The following PLXNA4 variants were observed in gnomAD, a reference collection of about 807,000 sequenced individuals.
The protein encoded by PLXNA4 is plexin A4.
A neutral mutation model predicts 191.8 loss-of-function variants in PLXNA4; 44 were observed. That is an observed-to-expected ratio of 0.23 (90% CI 0.18 to 0.29). The LOEUF is 0.29. Among genes scored for constraint, PLXNA4 ranks in the 10% least tolerant of loss-of-function variants. PLXNA4 has a pLI of 1.00. For synonymous variants in PLXNA4, 1,082 were observed against 1,009.5 expected (o/e 1.07, Z -1.36); for missense variants, 1,800 against 2,488.8 (o/e 0.72, Z 5.89).
chr7:132,201,965 G>A lies in PLXNA4; in HGVS notation c.2586+681C>T, dbSNP rs1412939955. ...CTTCCAGCTCCCATGTGAGAGGGAC[G>A]CTCAGGCCCACCGCACATGTGAGGA... On this transcript the variant is annotated intron_variant, in intron 12 of 31. Transcript: ENST00000321063. Among the ~76,000 whole-genome samples the A allele has an allele frequency of 1.8e-4, 28 of 152,120 alleles. 1 individual carries two copies. The highest frequency in any genetic ancestry group is 6.6e-5 in the Admixed American group (1 of 15,266).
chr7:132,525,065 C>G (rs1032867315), intron 1 of PLXNA4, among the ~76,000 whole-genome samples: 2 of 152,140 alleles, frequency 1.3e-5, no homozygotes, highest in African/African-American at 4.8e-5. Context: ...CAAATACCAA[C>G]TCTCCATCCC....
chr7:132,174,942 G>A (rs369473576), intron 20 of PLXNA4, 22 bp from the exon 21 acceptor site: 2 of 1,612,964 alleles, frequency 1.2e-6, no homozygotes, highest in Non-Finnish European at 1.7e-6. Flanking sequence ...AGAAGCCTGT[G>A]AGATGGCTGG....
chr7:132,179,885 C>A lies in PLXNA4; in HGVS notation c.3676G>T (p.Val1226Leu). 1.2e-6 allele frequency: 2 copies of A among 1,612,680 alleles called. No homozygotes were observed. The highest frequency in any genetic ancestry group is 1.7e-6 in the Non-Finnish European group (2 of 1,179,804). The change falls in exon 20 of 32, where the codon GTG becomes TTG. Residue 1226 changes from valine (V) to leucine (L), a missense_variant. This residue lies in a region of PLXNA4 where 1,397 missense variants were observed against 1,880.4 expected (regional missense o/e 0.74). Coordinates refer to ENST00000321063, the MANE Select transcript of PLXNA4 (RefSeq NM_020911.2). Reference sequence around the variant, plus strand: ...AGCGGGCTGTCCGGGGCAATGTACACCATCCCCGGGGAGTACTCCATGCCA... The same window carrying A: ...AGCGGGCTGTCCGGGGCAATGTACAACATCCCCGGGGAGTACTCCATGCCA... ...VGGMEYSPGM[V>L]YIAPDSPLSL...
chr7:132,626,142 C>T (rs1803367592), intron 2 of PLXNA4, among the ~76,000 whole-genome samples: 1 of 152,186 alleles, frequency 6.6e-6, no homozygotes, highest in Non-Finnish European at 1.5e-5. Context: ...CTCACCACCA[C>T]CAATCAAGTA....
chr7:132,255,413 T>C (rs1799398601), intron 4 of PLXNA4, among the ~76,000 whole-genome samples: 1 of 152,148 alleles, frequency 6.6e-6, no homozygotes, highest in Non-Finnish European at 1.5e-5. Flanking sequence ...CATCCAAACC[T>C]AACACCCAGC....
At chr7:132,334,763 G>A (rs755099051) in intron 3 of PLXNA4, among the ~76,000 whole-genome samples, 2 of 152,146 alleles carry the variant, frequency 1.3e-5, no homozygotes, top group Non-Finnish European at 2.9e-5. Context: ...GACATGAAAC[G>A]CTCTTCCTTA....
chr7:132,516,980 G>A (rs1798966581), intron 1 of PLXNA4, among the ~76,000 whole-genome samples: 1 of 152,096 alleles, frequency 6.6e-6, no homozygotes, highest in Non-Finnish European at 1.5e-5. Flanking sequence ...AACAAAACCA[G>A]TGTCCCTGCT....
chr7:132,214,158 TC>T (rs1007737534), intron 9 of PLXNA4, among the ~76,000 whole-genome samples: 5 of 151,830 alleles, frequency 3.3e-5, no homozygotes, highest in African/African-American at 9.7e-5. Context: ...TCAGCAGGGG[TC>T]CCCCTGAAGT....
intron 1 of PLXNA4, among the ~76,000 whole-genome samples, chr7:132,558,863 G>T (rs1336137488): frequency 6.6e-6 from 1 of 152,184 alleles, no homozygotes; most frequent in African/African-American, 2.4e-5. Context: ...TAAGAAGGTG[G>T]TACAAGAAAA....
Position 132,163,737 on chromosome 7 carries a change from CTATGAGTAACTCTTT to C in PLXNA4, c.4500+390_4500+404del, listed in dbSNP as rs561927461. On this transcript the variant is annotated intron_variant, in intron 24 of 31. Coordinates refer to ENST00000321063, the MANE Select transcript of PLXNA4 (RefSeq NM_020911.2). Reference sequence around the variant, plus strand: ...GCAGAAGGCAGTGGGGGCTTCAGAGCTATGAGTAACTCTTTCTAGCTTCCTTTCCTCTCTGTCCCC... The same window carrying C: ...GCAGAAGGCAGTGGGGGCTTCAGAGCCTAGCTTCCTTTCCTCTCTGTCCCC... 1.4e-3 allele frequency among the ~76,000 whole-genome samples: 219 copies of C among 152,326 alleles called. 2 individuals are homozygous for C. The highest frequency in any genetic ancestry group is 7.3e-4 in the Non-Finnish European group (50 of 68,038).
chr7:132,419,698 A>G (rs1049563627), intron 3 of PLXNA4, among the ~76,000 whole-genome samples: 8 of 152,192 alleles, frequency 5.3e-5, no homozygotes, highest in Non-Finnish European at 8.8e-5. Context: ...GACTAGACCA[A>G]GGGTCAGCAA....
intron 2 of PLXNA4, among the ~76,000 whole-genome samples, chr7:132,629,159 G>T (rs1414795938): frequency 6.6e-6 from 1 of 152,156 alleles, no homozygotes; most frequent in African/African-American, 2.4e-5. Context: ...GGAATACTTA[G>T]AACTCCTGCC....
intron 9 of PLXNA4, among the ~76,000 whole-genome samples, chr7:132,211,827 A>G (rs1172560780): frequency 6.6e-6 from 1 of 152,194 alleles, no homozygotes; most frequent in Non-Finnish European, 1.5e-5. Flanking sequence ...CTGGAGCCAC[A>G]GGAGCCCAGA....
rs146940295 is a variant in PLXNA4, at chr7:132,620,184, A to G, written c.-87+25744T>C. 5.6e-3 allele frequency among the ~76,000 whole-genome samples: 837 copies of G among 150,020 alleles called. 7 individuals are homozygous for G. The highest frequency in any genetic ancestry group is 0.028 in the Middle Eastern group (8 of 290). ...TGATCACCTACCAGTCTTGAAAGAC[A>G]TAATGACACATTCAGTATGCACGTT... On this transcript the variant is annotated intron_variant, in intron 2 of 4. Coordinates refer to the PLXNA4 transcript ENST00000378539.
chr7:132,245,271 A>C (rs1464289398), intron 4 of PLXNA4, among the ~76,000 whole-genome samples: 1 of 152,206 alleles, frequency 6.6e-6, no homozygotes, highest in African/African-American at 2.4e-5. Context: ...CCATAATGAT[A>C]GATTGTCTCA....
Position 132,194,295 on chromosome 7 carries a change from T to C in PLXNA4, c.2739-116A>G, listed in dbSNP as rs908275683. 3.5e-6 allele frequency: 5 copies of C among 1,445,374 alleles called. No homozygotes were observed. The Admixed American group carries it at 1.1e-4, about 32-fold the overall frequency. 89.5% of individuals were successfully genotyped at this position (1,445,374 alleles called of 1,614,324 possible). On this transcript the variant is annotated intron_variant, in intron 13 of 31. Transcript: ENST00000321063. ...CAGTAGGATCTCAGGGATGGCCAGGTAGGGGAGGAAGGGGAAGATATCCTA... is the reference window on the plus strand; with the variant it reads ...CAGTAGGATCTCAGGGATGGCCAGGCAGGGGAGGAAGGGGAAGATATCCTA...
At chr7:132,469,260 A>G (rs1393894722) in intron 3 of PLXNA4, among the ~76,000 whole-genome samples, 1 of 152,124 alleles carries the variant, frequency 6.6e-6, no homozygotes, top group Non-Finnish European at 1.5e-5. Flanking sequence ...GAAATGCCTT[A>G]CCTCCCTAAG....
intron 3 of PLXNA4, among the ~76,000 whole-genome samples, chr7:132,303,850 T>C (rs1563023032): frequency 6.6e-6 from 1 of 152,072 alleles, no homozygotes; most frequent in African/African-American, 2.4e-5. Context: ...TGGCAAATGC[T>C]ATGGCAGAGG....
At chr7:132,575,691 G>C (rs914774994) in intron 1 of PLXNA4, among the ~76,000 whole-genome samples, 1 of 152,142 alleles carries the variant, frequency 6.6e-6, no homozygotes, top group South Asian at 2.1e-4. Flanking sequence ...TCTGACCCCC[G>C]TACCTTCCCT....
Sources: gnomAD v4.1 joint callset for allele counts (sites outside exome capture counted in the v4.1 genomes callset) on GRCh38, gnomAD v4.1.1 for gene constraint, gnomAD v4.1.1 regional missense constraint, MANE v1.5 for transcripts, NCBI Gene and HGNC (gene_info 2026-07-23, HGNC 2026-07-21) for gene names.